Variants in AFG2A observed in about 807,000 individuals in gnomAD.
AFG2A encodes AAA ATPase AFG2A.
At chr4:123,050,854 C>G in the AFG2A span, among the ~76,000 whole-genome samples, 1 of 151,798 alleles carries the variant, frequency 6.6e-6, no homozygotes, top group African/African-American at 2.4e-5. Flanking sequence ...AAGCGATTCT[C>G]CTGCCTCAGC....
At chr4:123,268,628 A>G in the AFG2A span, among the ~76,000 whole-genome samples, 3 of 152,230 alleles carry the variant, frequency 2.0e-5, no homozygotes, top group Non-Finnish European at 4.4e-5. Context: ...TCTGAGGGGA[A>G]ATTATTTCCA....
chr4:123,108,677 G>C, the AFG2A span, among the ~76,000 whole-genome samples: 1 of 151,766 alleles, frequency 6.6e-6, no homozygotes, highest in South Asian at 2.1e-4. Flanking sequence ...TTGTATTAGA[G>C]TACAAAAAAG....
the AFG2A span, among the ~76,000 whole-genome samples, chr4:123,230,998 T>C: frequency 3.9e-5 from 6 of 151,944 alleles, no homozygotes; most frequent in African/African-American, 7.2e-5. Context: ...GTTGTTCCAT[T>C]TATAGAGACA....
At chr4:123,074,095 A>ATTTTTTTTTTTTTT in the AFG2A span, among the ~76,000 whole-genome samples, 19 of 102,048 alleles carry the variant, frequency 1.9e-4, no homozygotes, top group African/African-American at 3.4e-4. Flanking sequence ...CTCAGATAGT[A>ATTTTTTTTTTTTTT]TTTTTTTTTT....
chr4:122,934,620 G>T, the AFG2A span: 1 of 1,613,924 alleles, frequency 6.2e-7, no homozygotes, highest in Non-Finnish European at 8.5e-7. Flanking sequence ...ATTCAAAAGA[G>T]CAAGACAACC....
At chr4:123,145,434 C>CACACCT in the AFG2A span, among the ~76,000 whole-genome samples, 1 of 152,036 alleles carries the variant, frequency 6.6e-6, no homozygotes, top group Non-Finnish European at 1.5e-5. Flanking sequence ...ACAAATTAAG[C>CACACCT]AATTAGATTA....
the AFG2A span, among the ~76,000 whole-genome samples, chr4:123,112,116 G>A: frequency 2.0e-5 from 3 of 152,098 alleles, no homozygotes; most frequent in African/African-American, 7.2e-5. Flanking sequence ...CTGGCTGACT[G>A]AATGAATGCA....
the AFG2A span, among the ~76,000 whole-genome samples, chr4:123,125,567 C>T: frequency 6.6e-6 from 1 of 152,178 alleles, no homozygotes; most frequent in Non-Finnish European, 1.5e-5. Context: ...CCAGTGACTA[C>T]TGAACAAAAT....
the AFG2A span, among the ~76,000 whole-genome samples, chr4:122,932,237 C>T: frequency 1.3e-5 from 2 of 151,134 alleles, no homozygotes; most frequent in Admixed American, 6.6e-5. Context: ...ATCACACCAC[C>T]GCACTCCAGC....
At chr4:122,943,825 G>C in the AFG2A span, among the ~76,000 whole-genome samples, 1,527 of 152,242 alleles carry the variant, frequency 0.01, 35 homozygotes, top group African/African-American at 0.035. Flanking sequence ...TTTTAGGGCA[G>C]GCCTGGTGGT....
chr4:123,190,551 T>A, the AFG2A span, among the ~76,000 whole-genome samples: 3 of 152,192 alleles, frequency 2.0e-5, no homozygotes, highest in African/African-American at 7.2e-5. Context: ...GAGAAAGGCC[T>A]GAAGGGTACC....
At chr4:123,128,065 T>G in the AFG2A span, among the ~76,000 whole-genome samples, 1 of 152,214 alleles carries the variant, frequency 6.6e-6, no homozygotes, top group Non-Finnish European at 1.5e-5. Flanking sequence ...GTAAATACTT[T>G]ACTGACATAC....
At chr4:123,283,940 C>T in the AFG2A span, among the ~76,000 whole-genome samples, 4 of 152,176 alleles carry the variant, frequency 2.6e-5, no homozygotes, top group Admixed American at 2.0e-4. Flanking sequence ...CACCTCTGCA[C>T]CGACACACAT....
At chr4:123,282,419 T>A in the AFG2A span, among the ~76,000 whole-genome samples, 1 of 152,190 alleles carries the variant, frequency 6.6e-6, no homozygotes, top group Non-Finnish European at 1.5e-5. Context: ...AAAACAAGCA[T>A]GTTTGTCTTT....
the AFG2A span, among the ~76,000 whole-genome samples, chr4:123,213,145 A>G: frequency 1.3e-5 from 2 of 152,162 alleles, no homozygotes; most frequent in African/African-American, 2.4e-5. Flanking sequence ...GCTGAATGCT[A>G]TAGTAGTGGT....
the AFG2A span, among the ~76,000 whole-genome samples, chr4:123,004,759 C>T: frequency 1.9e-4 from 29 of 152,152 alleles, no homozygotes; most frequent in East Asian, 4.8e-3. Flanking sequence ...GAAGTATTCT[C>T]TTTAGTTTTT....
At chr4:123,142,504 G>T in the AFG2A span, among the ~76,000 whole-genome samples, 1 of 152,148 alleles carries the variant, frequency 6.6e-6, no homozygotes, top group African/African-American at 2.4e-5. Flanking sequence ...TATTATATAT[G>T]TGAGTAATTT....
At chr4:122,999,034 G>C in the AFG2A span, among the ~76,000 whole-genome samples, 2 of 151,594 alleles carry the variant, frequency 1.3e-5, no homozygotes, top group Admixed American at 6.6e-5. Context: ...TCTCATTGTG[G>C]TTTTGATTTG....
the AFG2A span, among the ~76,000 whole-genome samples, chr4:123,035,074 G>C: frequency 1.3e-5 from 2 of 152,204 alleles, no homozygotes; most frequent in African/African-American, 2.4e-5. Flanking sequence ...GTTTGGGGCT[G>C]CCCTGAACTT....
Sources: gnomAD v4.1 joint callset for allele counts (sites outside exome capture counted in the v4.1 genomes callset) on GRCh38, gnomAD v4.1.1 for gene constraint, MANE v1.5 for transcripts, NCBI Gene and HGNC (gene_info 2026-07-23, HGNC 2026-07-21) for gene names.